Variants in F2RL2 observed in about 807,000 individuals in gnomAD.
F2RL2 encodes proteinase-activated receptor 3.
A neutral mutation model predicts 4.3 loss-of-function variants in F2RL2; 4 were observed. The observed-to-expected ratio is 0.93, with a 90% CI of 0.46 to 2.12. The LOEUF (loss-of-function observed/expected upper bound fraction) is 2.12. Ranked by LOEUF, F2RL2 falls within the 30% of genes most tolerant of loss-of-function variation. F2RL2 has a pLI of 0.02. For synonymous variants in F2RL2, 166 were observed against 170.9 expected (o/e 0.97, Z 0.22); for missense variants, 408 against 449.3 (o/e 0.91, Z 0.83).
In F2RL2 at chr5:76,616,657, G is replaced by T. The variant is rs1170040520; in HGVS notation, c.*925C>A. ...ACTCGAGACCAGGAGTTCAAGACCA[G>T]CCTGGGCAACAGTGAGACTCCATCT... is the stretch of plus-strand genomic sequence containing the variant. On this transcript the variant is annotated 3_prime_UTR_variant, in exon 2 of 2. Coordinates refer to ENST00000296641, the MANE Select transcript of F2RL2 (RefSeq NM_004101.4). 6.6e-6 allele frequency: 1 copy of T among 152,664 alleles called. No individual in the cohort carries two copies. The highest frequency in any genetic ancestry group is 2.4e-5 in the African/African-American group (1 of 41,412). The allele number at this position is 152,664 out of a possible 1,614,324, so 9.5% of individuals were successfully genotyped here.
intron 1 of F2RL2, among the ~76,000 whole-genome samples, chr5:76,619,372 A>G (rs1014955221): frequency 2.0e-5 from 3 of 152,180 alleles, no homozygotes; most frequent in Non-Finnish European, 2.9e-5. Context: ...TGCACACACA[A>G]TTTTGAACAG....
chr5:76,621,588 G>A (rs555139737), intron 1 of F2RL2, among the ~76,000 whole-genome samples: 1 of 152,184 alleles, frequency 6.6e-6, no homozygotes, highest in Non-Finnish European at 1.5e-5. Flanking sequence ...AAAACCAAGT[G>A]TTTGTCCGTT....
In F2RL2 at chr5:76,618,028, G is replaced by T. The variant is rs113440427; in HGVS notation, c.679C>A (p.Pro227Thr). ...TATTCCTGCTTCAGTATGAAAAATG[G>T]CAGCATATATAAGAAAACTGTTGCC... ...VWATVFLYML[P>T]FFILKQEYYL... The change falls in exon 2 of 2, where the codon CCA (proline) becomes ACA (threonine). Residue 227 changes from proline (P) to threonine (T), a missense_variant. Coordinates refer to ENST00000296641, the MANE Select transcript of F2RL2 (RefSeq NM_004101.4). 2.5e-6 allele frequency: 4 copies of T among 1,614,144 alleles called. No individual in the cohort carries two copies. The African/African-American group carries it at 4.0e-5, about 16-fold the overall frequency.
chr5:76,618,280 A>G lies in F2RL2; in HGVS notation c.427T>C (p.Cys143Arg), dbSNP rs778438453. The G allele has an allele frequency of 7.4e-6, 12 of 1,614,126 alleles. No homozygotes were observed. The Admixed American group carries it at 1.7e-4, about 22-fold the overall frequency. ...TNLAIADFLF[C>R]VTLPFKIAYH... ...GCTATCTTAAAGGGCAATGTAACACAAAAAAGAAAATCTGCAATGGCCAGG... is the reference window on the plus strand; with the variant it reads ...GCTATCTTAAAGGGCAATGTAACACGAAAAAGAAAATCTGCAATGGCCAGG... The change falls in exon 2 of 2, where the codon TGT (cysteine) becomes CGT (arginine). Residue 143 changes from cysteine (C) to arginine (R), a missense_variant. By Grantham distance (180) the Cys-to-Arg change is radical (BLOSUM62 -3). Coordinates refer to ENST00000296641, the MANE Select transcript of F2RL2 (RefSeq NM_004101.4).
In F2RL2 at chr5:76,618,667, A is replaced by G. The variant is rs774327802; in HGVS notation, c.65-25T>C. ...CCTGTAATTGAAAGAAAGTATTAAC[A>G]TAAATGTATAGTTCAAGAGAAAAGA... On this transcript the variant is annotated intron_variant, in intron 1 of 1. Coordinates refer to ENST00000296641, the MANE Select transcript of F2RL2 (RefSeq NM_004101.4). The G allele has an allele frequency of 5.9e-6, 9 of 1,537,044 alleles. No homozygotes were observed. The South Asian group carries it at 6.9e-5, about 12-fold the overall frequency.
At chr5:76,620,456 C>T (rs376920545) in intron 1 of F2RL2, among the ~76,000 whole-genome samples, 14 of 152,124 alleles carry the variant, frequency 9.2e-5, no homozygotes, top group East Asian at 1.9e-4. Flanking sequence ...GGAGAGGATG[C>T]CATTAACTGA....
At position 76,618,122 on chromosome 5, in the gene F2RL2, G is replaced by A. The variant is rs768191044; in HGVS notation, c.585C>T (p.Ile195=). 22 of 1,614,038 alleles carry A rather than the reference G, an allele frequency of 1.4e-5. No individual in the cohort carries two copies. The highest frequency in any genetic ancestry group is 6.7e-5 in the East Asian group (3 of 44,900). ...GGCCCCGGTAGGTGAAAGGATGGAC[G>A]ATGGCCAGGTAGCGGTTGATGCTGA... ...ACISINRYLA[I]VHPFTYRGLP... Residue 195 remains isoleucine, a synonymous_variant, in exon 2 of 2, where the codon ATC becomes ATT. Coordinates refer to ENST00000296641, the MANE Select transcript of F2RL2 (RefSeq NM_004101.4).
rs745487491 is a variant in F2RL2 at position 76,618,025 on chromosome 5, A to G, written c.682T>C (p.Phe228Leu). 1.2e-6 allele frequency: 2 copies of G among 1,614,188 alleles called. No homozygotes were observed. Among genetic ancestry groups the G allele is most frequent in the East Asian group, 2.2e-5 (1 of 44,874 alleles). ...WATVFLYMLP[F>L]FILKQEYYLV... is the part of the protein sequence containing the mutation. ...TAATATTCCTGCTTCAGTATGAAAA[A>G]TGGCAGCATATATAAGAAAACTGTT... The change falls in exon 2 of 2, where the codon TTT becomes CTT. Residue 228 changes from phenylalanine (F) to leucine (L), a missense_variant. Coordinates refer to ENST00000296641, the MANE Select transcript of F2RL2 (RefSeq NM_004101.4).
Position 76,618,397 on chromosome 5 carries a change from C to G in F2RL2, c.310G>C (p.Val104Leu). ...TKLIPAIYLL[V>L]FVVGVPANAV... The stretch of plus-strand genomic sequence containing the variant: ...TTGGCCGGGACACCAACTACAAACA[C>G]CAGGAGGTAGATGGCAGGTATCAGT... The change falls in exon 2 of 2, where the codon GTG becomes CTG. Residue 104 changes from valine to leucine, a missense_variant. By Grantham distance (32) the Val-to-Leu change is conservative. Transcript: ENST00000296641. 6.2e-7 allele frequency: 1 copy of G among 1,614,200 alleles called. No homozygotes were observed. Among genetic ancestry groups the G allele is most frequent in the Non-Finnish European group, 8.5e-7 (1 of 1,180,038 alleles).
rs1749141597 is a variant in F2RL2, at chr5:76,617,824, T to G, written c.883A>C (p.Arg295=). The G allele has an allele frequency of 1.2e-6, 2 of 1,613,890 alleles. No homozygotes were observed. The highest frequency in any genetic ancestry group is 1.3e-5 in the African/African-American group (1 of 74,896). The change falls in exon 2 of 2, where the codon AGA becomes CGA. Residue 295 remains arginine (R), a synonymous_variant. Transcript: ENST00000296641. ...CTCGCCTTAACATACCACAACCATCTATGATCGTATGCATTAAGTGTCCGG... is the reference window on the plus strand; with the variant it reads ...CTCGCCTTAACATACCACAACCATCGATGATCGTATGCATTAAGTGTCCGG... ...IIRTLNAYDH[R]WLWYVKASLL...
intron 1 of F2RL2, among the ~76,000 whole-genome samples, chr5:76,620,785 G>A (rs181473843): frequency 1.3e-5 from 2 of 152,124 alleles, no homozygotes; most frequent in African/African-American, 2.4e-5. Context: ...ATCGGAAGAT[G>A]AAATCGGTAT....
intron 1 of F2RL2, among the ~76,000 whole-genome samples, chr5:76,621,074 C>T (rs1749616213): frequency 6.6e-6 from 1 of 152,182 alleles, no homozygotes; most frequent in Admixed American, 6.5e-5. Context: ...ATTTAAAATG[C>T]CAGTACTGCG....
rs759571218 is a variant in F2RL2, at chr5:76,618,444, A to C, written c.263T>G (p.Leu88Arg). 1 of 1,614,216 alleles carries C rather than the reference A, an allele frequency of 6.2e-7. No individual in the cohort carries two copies. The highest frequency in any genetic ancestry group is 1.7e-5 in the Admixed American group (1 of 60,034). Residue 88 changes from leucine to arginine, a missense_variant, in exon 2 of 2, where the codon CTG (leucine) becomes CGG (arginine). Transcript: ENST00000296641. ...LHVKNATMGYLTSSLSTKLIP... is the reference protein window; with the variant it reads ...LHVKNATMGYRTSSLSTKLIP... ...CAGTTTAGTACTTAAGGAGCTGGTC[A>C]GGTACCCCATGGTAGCATTTTTCAC...
Position 76,619,539 on chromosome 5 carries a change from G to A in F2RL2, c.65-897C>T, listed in dbSNP as rs1412107571. Among the ~76,000 whole-genome samples the A allele has an allele frequency of 1.0e-4, 12 of 117,280 alleles. No homozygotes were observed. In the South Asian group the frequency reaches 1.9e-3, roughly 19 times the overall value. The allele number at this position is 117,280 out of a possible 152,430, so 76.9% of individuals were successfully genotyped here. On this transcript the variant is annotated intron_variant, in intron 1 of 1. Coordinates refer to ENST00000296641, the MANE Select transcript of F2RL2 (RefSeq NM_004101.4). Reference sequence around the variant, plus strand: ...CTTTTTTTTTTTTTTTTTTTTTTGAGACAGTCTCACTCTGTCGCCCAGGCT... The same window carrying A: ...CTTTTTTTTTTTTTTTTTTTTTTGAAACAGTCTCACTCTGTCGCCCAGGCT...
In F2RL2 at chr5:76,617,146, T is replaced by A. The variant is rs1749056908; in HGVS notation, c.*436A>T. On this transcript the variant is annotated 3_prime_UTR_variant, in exon 2 of 2. Transcript: ENST00000296641. ...ATTTTTAAAATACTGATAAAGTGTTTTTAAAAATTACTAATGCTGGCTGGC... is the reference window on the plus strand; with the variant it reads ...ATTTTTAAAATACTGATAAAGTGTTATTAAAAATTACTAATGCTGGCTGGC... The A allele has an allele frequency of 6.4e-6, 1 of 157,398 alleles. No individual in the cohort carries two copies. Among genetic ancestry groups the A allele is most frequent in the Non-Finnish European group, 1.4e-5 (1 of 71,016 alleles). The allele number at this position is 157,398 out of a possible 1,614,324, so 9.8% of individuals were successfully genotyped here. A position where few individuals can be genotyped will look rare whatever the true frequency, so the allele number is the denominator to read the frequency against.
rs901964919 is a variant in F2RL2, at chr5:76,618,206, C to T, written c.501G>A (p.Arg167=). The T allele has an allele frequency of 4.3e-6, 7 of 1,613,966 alleles. No homozygotes were observed. The highest frequency in any genetic ancestry group is 5.1e-6 in the Non-Finnish European group (6 of 1,180,016). ...TGCCATAGAAGATGACTGTGGTGGC[C>T]CGGCACAGGACCTCTCCAAATACCC... ...NNWVFGEVLC[R]ATTVIFYGNM... The change falls in exon 2 of 2, where the codon CGG becomes CGA. Residue 167 remains arginine (R), a synonymous_variant. Transcript: ENST00000296641.
Position 76,618,218 on chromosome 5 carries a change from C to T in F2RL2, c.489G>A (p.Glu163=). 1 of 1,614,174 alleles carries T rather than the reference C, an allele frequency of 6.2e-7. No homozygotes were observed. Among genetic ancestry groups the T allele is most frequent in the Non-Finnish European group, 8.5e-7 (1 of 1,180,028 alleles). The change falls in exon 2 of 2, where the codon GAG becomes GAA. Residue 163 remains glutamate (E), a synonymous_variant. Coordinates refer to ENST00000296641, the MANE Select transcript of F2RL2 (RefSeq NM_004101.4). ...HLNGNNWVFG[E]VLCRATTVIF... is the part of the protein sequence containing the mutation. The stretch of plus-strand genomic sequence containing the variant: ...TGACTGTGGTGGCCCGGCACAGGAC[C>T]TCTCCAAATACCCAGTTGTTCCCAT...
intron 1 of F2RL2, among the ~76,000 whole-genome samples, chr5:76,622,121 C>T (rs1038270063): frequency 6.6e-6 from 1 of 152,160 alleles, no homozygotes; most frequent in Non-Finnish European, 1.5e-5. Flanking sequence ...ATTTCTCCCC[C>T]ACCCCATGGA....
At chr5:76,620,685 G>T (rs948738978) in intron 1 of F2RL2, among the ~76,000 whole-genome samples, 2 of 152,132 alleles carry the variant, frequency 1.3e-5, no homozygotes, top group Non-Finnish European at 2.9e-5. Context: ...GGTTGAGATG[G>T]CCTAGGGGGA....
Sources: gnomAD v4.1 joint callset for allele counts (sites outside exome capture counted in the v4.1 genomes callset) on GRCh38, gnomAD v4.1.1 for gene constraint, MANE v1.5 for transcripts, NCBI Gene and HGNC (gene_info 2026-07-23, HGNC 2026-07-21) for gene names.